Variants in NAV3 observed in about 807,000 individuals in gnomAD.
NAV3 encodes the protein neuron navigator 3, also known as pore membrane and/or filament interacting like protein 1.
A neutral mutation model predicts 244.7 loss-of-function variants in NAV3; 87 were observed. That is an observed-to-expected ratio of 0.36 (90% CI 0.30 to 0.42). The LOEUF is 0.42. Among genes scored for constraint, NAV3 ranks in the 20% least tolerant of loss-of-function variants. The pLI is 1.00. For missense variants in NAV3, 2,663 were observed against 2,893.3 expected, an observed-to-expected ratio of 0.92 and a Z score of 1.83; for synonymous variants, 1,126 against 1,042.2, an observed-to-expected ratio of 1.08 and a Z score of -1.55.
chr12:77,609,755 T>C (rs933126847), intron 2 of NAV3, among the ~76,000 whole-genome samples: 1 of 152,030 alleles, frequency 6.6e-6, no homozygotes, highest in Admixed American at 6.6e-5. Context: ...CCTACCAACA[T>C]GTGAACCATC....
intron 2 of NAV3, chr12:77,783,530 T>C (rs1289878117): frequency 6.6e-6 from 1 of 152,028 alleles, no homozygotes; most frequent in East Asian, 1.9e-4. Context: ...TAGCTGGGGA[T>C]GAGGGGGGAT....
intron 2 of NAV3, among the ~76,000 whole-genome samples, chr12:77,601,122 G>C (rs1870409861): frequency 6.6e-6 from 1 of 151,868 alleles, no homozygotes; most frequent in Admixed American, 6.6e-5. Flanking sequence ...TGCTTTATAT[G>C]TATTAACTCA....
intron 18 of NAV3, among the ~76,000 whole-genome samples, chr12:78,135,989 T>G (rs1480787689): frequency 6.6e-6 from 1 of 152,220 alleles, no homozygotes; most frequent in Non-Finnish European, 1.5e-5. Flanking sequence ...TGTGTGTTAA[T>G]TCGGTTAATA....
chr12:77,878,340 C>T (rs1316650946), intron 1 of NAV3, among the ~76,000 whole-genome samples: 1 of 152,054 alleles, frequency 6.6e-6, no homozygotes, highest in East Asian at 1.9e-4. Context: ...ATTTTACAGC[C>T]TCAGCCTCCC....
chr12:78,058,355 C>T (rs1883823431), intron 11 of NAV3, among the ~76,000 whole-genome samples: 1 of 152,108 alleles, frequency 6.6e-6, no homozygotes, highest in South Asian at 2.1e-4. Context: ...AGGGAACTCC[C>T]ATTTATAAAA....
chr12:77,613,491 A>G (rs768973622), intron 2 of NAV3, among the ~76,000 whole-genome samples: 1 of 152,154 alleles, frequency 6.6e-6, no homozygotes, highest in Non-Finnish European at 1.5e-5. Flanking sequence ...TCAAAGACTC[A>G]GGGTGTCCTC....
chr12:77,658,206 A>G (rs1163858289), intron 2 of NAV3, among the ~76,000 whole-genome samples: 1 of 151,930 alleles, frequency 6.6e-6, no homozygotes, highest in East Asian at 1.9e-4. Flanking sequence ...TATCTAGAAA[A>G]CCCCATTGTC....
intron 2 of NAV3, among the ~76,000 whole-genome samples, chr12:77,789,472 T>C (rs1871070658): frequency 6.6e-6 from 1 of 150,680 alleles, no homozygotes; most frequent in African/African-American, 2.4e-5. Context: ...AGAATAATTG[T>C]ATAAAATACA....
intron 2 of NAV3, among the ~76,000 whole-genome samples, chr12:77,676,863 A>G (rs1292411207): frequency 6.6e-6 from 1 of 152,150 alleles, no homozygotes. Flanking sequence ...AGGGAAAGTT[A>G]AGGACCTAGG....
At position 78,151,894 on chromosome 12, in the gene NAV3, TA is replaced by T. The variant is rs565943525; in HGVS notation, c.4785+2979del. On this transcript the variant is annotated intron_variant, in intron 22 of 39. Transcript: ENST00000397909. The stretch of plus-strand genomic sequence containing the variant: ...AAAATATATAATGTATTAAAATGTA[TA>T]AAATAATATTTTAAGTATCAGATAC... Among the ~76,000 whole-genome samples, 360 of 151,306 alleles carry T rather than the reference TA, an allele frequency of 2.4e-3. 1 individual carries two copies. The highest frequency in any genetic ancestry group is 7.0e-3 in the Middle Eastern group (2 of 286).
At chr12:77,738,212 C>T (rs1340278597) in intron 2 of NAV3, among the ~76,000 whole-genome samples, 5 of 152,150 alleles carry the variant, frequency 3.3e-5, no homozygotes, top group African/African-American at 1.2e-4. Flanking sequence ...TAAGATTGCT[C>T]CTAATAACCT....
chr12:77,942,433 AATTACTCCCAGGACCT>A, intron 3 of NAV3, among the ~76,000 whole-genome samples: 1 of 151,992 alleles, frequency 6.6e-6, no homozygotes, highest in East Asian at 1.9e-4. Flanking sequence ...AATAAAAAAT[AATTACTCCCAGGACCT>A]ATTATGATGT....
chr12:77,817,766 G>A (rs1332671779), intron 2 of NAV3, among the ~76,000 whole-genome samples: 1 of 152,106 alleles, frequency 6.6e-6, no homozygotes, highest in Non-Finnish European at 1.5e-5. Flanking sequence ...TTAACACCCA[G>A]CTGATAGATG....
At chr12:77,671,090 T>C (rs1458525953) in intron 2 of NAV3, among the ~76,000 whole-genome samples, 1 of 151,998 alleles carries the variant, frequency 6.6e-6, no homozygotes, top group Non-Finnish European at 1.5e-5. Context: ...TTCAGCAAAG[T>C]TTCAGGATAC....
At chr12:77,992,800 T>C (rs140629362) in intron 5 of NAV3, among the ~76,000 whole-genome samples, 1 of 152,284 alleles carries the variant, frequency 6.6e-6, no homozygotes, top group East Asian at 1.9e-4. Context: ...ACAAAAATGA[T>C]GGTGAACTAA....
chr12:77,622,308 C>T (rs561700066), intron 2 of NAV3, among the ~76,000 whole-genome samples: 3 of 151,906 alleles, frequency 2.0e-5, no homozygotes, highest in East Asian at 1.9e-4. Flanking sequence ...TACAGGTGCC[C>T]GCCACCACAC....
At chr12:77,871,112 G>T (rs2136454145) in intron 1 of NAV3, among the ~76,000 whole-genome samples, 1 of 152,264 alleles carries the variant, frequency 6.6e-6, no homozygotes, top group Non-Finnish European at 1.5e-5. Context: ...GAACATGTCT[G>T]TGCTTAACTT....
At chr12:78,127,514 G>A (rs1325418828) in intron 17 of NAV3, among the ~76,000 whole-genome samples, 2 of 152,070 alleles carry the variant, frequency 1.3e-5, no homozygotes, top group Non-Finnish European at 2.9e-5. Flanking sequence ...ACTTGTCCCA[G>A]GCATTACTTT....
intron 7 of NAV3, among the ~76,000 whole-genome samples, chr12:77,999,419 G>A (rs1872867590): frequency 6.6e-6 from 1 of 152,220 alleles, no homozygotes; most frequent in Non-Finnish European, 1.5e-5. Flanking sequence ...ATTCAACCAT[G>A]TGGGAACGTT....
Sources: gnomAD v4.1 joint callset for allele counts (sites outside exome capture counted in the v4.1 genomes callset) on GRCh38, gnomAD v4.1.1 for gene constraint, MANE v1.5 for transcripts, NCBI Gene and HGNC (gene_info 2026-07-23, HGNC 2026-07-21) for gene names.